The following PDE1C variants were observed in gnomAD, a reference collection of about 807,000 sequenced individuals.
PDE1C encodes the protein dual specificity calcium/calmodulin-dependent 3',5'-cyclic nucleotide phosphodiesterase 1C.
Under a neutral mutation model 93.1 loss-of-function variants are expected in PDE1C, and 62 were observed. The ratio of observed to expected loss-of-function variants is 0.67; its 90% CI spans 0.54 to 0.82. The LOEUF is 0.82. PDE1C is among the 40% of genes least tolerant of loss of function. The pLI is 0.00. For synonymous variants in PDE1C, 325 were observed against 310.1 expected, an observed-to-expected ratio of 1.05 and a Z score of -0.50; for missense variants, 742 against 884.6, an observed-to-expected ratio of 0.84 and a Z score of 2.04.
intron 1 of PDE1C, among the ~76,000 whole-genome samples, chr7:32,270,575 T>C (rs1459337171): frequency 2.6e-5 from 4 of 152,226 alleles, no homozygotes; most frequent in Non-Finnish European, 5.9e-5. Context: ...ACAGGACAAG[T>C]TGAAACTCTA....
chr7:31,980,611 C>G (rs1481888889), intron 2 of PDE1C, among the ~76,000 whole-genome samples: 2 of 152,192 alleles, frequency 1.3e-5, no homozygotes, highest in Non-Finnish European at 2.9e-5. Flanking sequence ...TGTCAGTTTC[C>G]TGTTGCTGCC....
At chr7:32,015,276 G>T (rs1346767034) in intron 2 of PDE1C, among the ~76,000 whole-genome samples, 1 of 148,204 alleles carries the variant, frequency 6.7e-6, no homozygotes, top group Non-Finnish European at 1.5e-5. Flanking sequence ...TTCATGCTAG[G>T]AGCAAATTCA....
intron 2 of PDE1C, among the ~76,000 whole-genome samples, chr7:31,932,444 G>A (rs535644952): frequency 2.0e-5 from 3 of 152,312 alleles, no homozygotes; most frequent in East Asian, 3.9e-4. Flanking sequence ...AGACATTTAT[G>A]TGGCCAAAAA....
chr7:31,645,292 A>T, the PDE1C span, among the ~76,000 whole-genome samples: 1 of 152,240 alleles, frequency 6.6e-6, no homozygotes, highest in Admixed American at 6.5e-5. Context: ...ATGTATAGAA[A>T]TCACATTACA....
At chr7:31,789,538 T>C (rs909944202) in intron 16 of PDE1C, 1 of 542,276 alleles carries the variant, frequency 1.8e-6, no homozygotes, top group African/African-American at 2.1e-5. Flanking sequence ...CAGCTGAACA[T>C]TCAGGTTTAT....
chr7:32,202,739 G>C (rs193044081), intron 2 of PDE1C, among the ~76,000 whole-genome samples: 1 of 152,122 alleles, frequency 6.6e-6, no homozygotes, highest in Non-Finnish European at 1.5e-5. Context: ...GGGGAGCTTC[G>C]AGAGGATGAT....
chr7:31,886,870 G>GGAATA (rs752979495), intron 2 of PDE1C, among the ~76,000 whole-genome samples: 292 of 118,978 alleles, frequency 2.5e-3, no homozygotes, highest in African/African-American at 3.6e-3. Flanking sequence ...AGATCTATTC[G>GGAATA]GATCTATTCA....
intron 1 of PDE1C, among the ~76,000 whole-genome samples, chr7:32,236,039 A>T (rs1808050868): frequency 6.6e-6 from 1 of 152,136 alleles, no homozygotes; most frequent in Admixed American, 6.5e-5. Context: ...TTAATGGAGG[A>T]AGAATAGTCT....
At chr7:32,332,115 T>G (rs1783527360) in intron 1 of PDE1C, among the ~76,000 whole-genome samples, 1 of 151,982 alleles carries the variant, frequency 6.6e-6, no homozygotes, top group South Asian at 2.1e-4. Context: ...AATAGCGAAA[T>G]CACTGCATTT....
chr7:31,880,607 CTTTG>C, intron 3 of PDE1C, 136 bp downstream of exon 3: 1 of 603,822 alleles, frequency 1.7e-6, no homozygotes, highest in Non-Finnish European at 2.9e-6. Context: ...AATCTATCCT[CTTTG>C]TTTGTGGAAA....
chr7:31,866,067 A>G (rs893929903), intron 6 of PDE1C, among the ~76,000 whole-genome samples: 1 of 152,194 alleles, frequency 6.6e-6, no homozygotes, highest in Non-Finnish European at 1.5e-5. Flanking sequence ...TGCAAAATGC[A>G]TATACAAAAT....
intron 2 of PDE1C, among the ~76,000 whole-genome samples, chr7:31,946,268 T>G (rs1806592118): frequency 6.6e-6 from 1 of 151,804 alleles, no homozygotes; most frequent in African/African-American, 2.4e-5. Context: ...TGTAAAAGAG[T>G]CTTGGAACAT....
chr7:31,806,356 G>T (rs1012241736), intron 16 of PDE1C, among the ~76,000 whole-genome samples: 1 of 151,994 alleles, frequency 6.6e-6, no homozygotes, highest in African/African-American at 2.4e-5. Flanking sequence ...GCACTGAAAA[G>T]AGTATATTTG....
chr7:32,174,944 A>G (rs953504472), intron 2 of PDE1C, among the ~76,000 whole-genome samples: 2 of 152,180 alleles, frequency 1.3e-5, no homozygotes, highest in African/African-American at 4.8e-5. Flanking sequence ...AAAACTACAA[A>G]TTCATCTAAA....
chr7:31,634,337 A>G, the PDE1C span, among the ~76,000 whole-genome samples: 1 of 152,260 alleles, frequency 6.6e-6, no homozygotes, highest in African/African-American at 2.4e-5. Flanking sequence ...AACAGATAAT[A>G]TTAATAATGA....
chr7:31,781,422 C>CAAA (rs750270087), intron 16 of PDE1C, among the ~76,000 whole-genome samples: 1 of 151,400 alleles, frequency 6.6e-6, no homozygotes, highest in Non-Finnish European at 1.5e-5. Context: ...ACTTATTGGC[C>CAAA]ATTTTCAATT....
chr7:31,692,368 A>G, the PDE1C span: 3 of 1,202,132 alleles, frequency 2.5e-6, no homozygotes, highest in Non-Finnish European at 3.6e-6. Context: ...ATGAATAAAC[A>G]GAGCCATACT....
At chr7:32,053,347 C>A (rs762270162) in intron 1 of PDE1C, among the ~76,000 whole-genome samples, 2 of 152,192 alleles carry the variant, frequency 1.3e-5, no homozygotes, top group African/African-American at 2.4e-5. Context: ...ATCACTCTCT[C>A]GCACCTGGAC....
chr7:32,398,911 C>T (rs1364600612), intron 1 of PDE1C, among the ~76,000 whole-genome samples: 3 of 152,124 alleles, frequency 2.0e-5, no homozygotes, highest in Non-Finnish European at 2.9e-5. Flanking sequence ...TTAAACAGAT[C>T]ACCAGCACAT....
Sources: allele counts gnomAD v4.1 joint callset (sites outside exome capture counted in the v4.1 genomes callset), GRCh38; gene constraint gnomAD v4.1.1; transcripts MANE v1.5; gene names NCBI Gene and HGNC (gene_info 2026-07-23, HGNC 2026-07-21).